DHX15: variants seen among roughly 807,000 people sequenced by gnomAD.
DHX15 encodes ATP-dependent RNA helicase DHX15.
In DHX15, 11 loss-of-function variants were observed where a neutral mutation model predicts 94.4. The observed-to-expected ratio is 0.12, with a 90% CI of 0.07 to 0.19. The LOEUF is 0.19. Among genes scored for constraint, DHX15 ranks in the 10% least tolerant of loss-of-function variants. DHX15 has a pLI of 1.00. For synonymous variants in DHX15, 338 were observed against 329.9 expected, an observed-to-expected ratio of 1.02 and a Z score of -0.27; for missense variants, 304 against 988.5, an observed-to-expected ratio of 0.31 and a Z score of 9.29.
At chr4:24,547,918 T>C (rs1212306420) in intron 6 of DHX15, among the ~76,000 whole-genome samples, 2 of 51,646 alleles carry the variant, frequency 3.9e-5, no homozygotes, top group African/African-American at 1.8e-4. Context: ...TATATATATA[T>C]ATATATATAT....
chr4:24,552,883 G>T (rs1183624504), intron 5 of DHX15, among the ~76,000 whole-genome samples: 1 of 152,202 alleles, frequency 6.6e-6, no homozygotes, highest in Non-Finnish European at 1.5e-5. Context: ...TTCCCCAGCT[G>T]TGGGATTCAC....
At chr4:24,531,586 T>A (rs1283012787) in intron 12 of DHX15, among the ~76,000 whole-genome samples, 2 of 151,908 alleles carry the variant, frequency 1.3e-5, no homozygotes, top group African/African-American at 2.4e-5. Flanking sequence ...GGCATAGTGG[T>A]GCGTGCCTGT....
rs1721222393 is a variant in DHX15 at position 24,537,604 on chromosome 4, G to C, written c.1787-431C>G. The stretch of plus-strand genomic sequence containing the variant: ...CTGTGAAAGTTAGGAAGCTATGCTT[G>C]CCCACTGCAGAGCTAACAACAACTT... On this transcript the variant is annotated intron_variant, in intron 10 of 13. Transcript: ENST00000336812. The surrounding 1 kb of genome is among the most constrained non-coding windows in gnomAD (Gnocchi z 4.7). 6.4e-6 allele frequency: 1 copy of C among 156,202 alleles called. No homozygotes were observed. Among genetic ancestry groups the C allele is most frequent in the Non-Finnish European group, 1.4e-5 (1 of 70,692 alleles). 9.7% of individuals were successfully genotyped at this position (156,202 alleles called of 1,614,324 possible). A position where few individuals can be genotyped will look rare whatever the true frequency, so the allele number is the denominator to read the frequency against.
intron 9 of DHX15, 27 bp downstream of exon 9, chr4:24,540,813 A>G: frequency 7.7e-7 from 1 of 1,299,424 alleles, no homozygotes; most frequent in Non-Finnish European, 1.1e-6. Flanking sequence ...AAAAGATCTG[A>G]TAAAAATGTG....
At chr4:24,556,494 CAT>C in intron 3 of DHX15, 84 bp from the exon 4 acceptor site, 1 of 1,126,860 alleles carries the variant, frequency 8.9e-7, no homozygotes, top group Non-Finnish European at 1.3e-6. Flanking sequence ...AATGCAAAGA[CAT>C]AAGGTAAATT....
intron 3 of DHX15, among the ~76,000 whole-genome samples, chr4:24,560,922 A>C (rs977119045): frequency 6.6e-6 from 1 of 152,240 alleles, no homozygotes; most frequent in Non-Finnish European, 1.5e-5. Flanking sequence ...AAAGATAAAA[A>C]GTTTTATAAT....
chr4:24,574,205 C>CAAAAAAAAAAAATA (rs1722189558), intron 2 of DHX15, among the ~76,000 whole-genome samples: 1 of 68,876 alleles, frequency 1.5e-5, no homozygotes, highest in African/African-American at 5.5e-5. Context: ...GACTTTGTCT[C>CAAAAAAAAAAAATA]AAAAAAAAAA....
chr4:24,555,757 T>C (rs1003824409), intron 4 of DHX15, among the ~76,000 whole-genome samples: 2 of 152,138 alleles, frequency 1.3e-5, no homozygotes, highest in Non-Finnish European at 2.9e-5. Context: ...ATCAATACAG[T>C]AACAGGGGCC....
chr4:24,581,699 T>A (rs1428662694), intron 1 of DHX15, among the ~76,000 whole-genome samples: 1 of 152,184 alleles, frequency 6.6e-6, no homozygotes, highest in East Asian at 1.9e-4. Flanking sequence ...AAAAAACTCT[T>A]ATCAGGTGGT....
At position 24,547,594 on chromosome 4, in the gene DHX15, G is replaced by T. The variant is rs1006679659; in HGVS notation, c.1248+1261C>A. The stretch of plus-strand genomic sequence containing the variant: ...TCACTCAATGGTAAACAAACACAAC[G>T]TTTTAAAAATAAAACAAATACAGAT... On this transcript the variant is annotated intron_variant, in intron 6 of 13. Coordinates refer to ENST00000336812, the MANE Select transcript of DHX15 (RefSeq NM_001358.3). 2.6e-5 allele frequency among the ~76,000 whole-genome samples: 4 copies of T among 151,826 alleles called. No individual in the cohort carries two copies. In the East Asian group the frequency reaches 7.7e-4, roughly 29 times the overall value.
At chr4:24,581,008 T>C (rs1011576683) in intron 1 of DHX15, 36 of 151,860 alleles carry the variant, frequency 2.4e-4, no homozygotes, top group Admixed American at 2.3e-3. Context: ...TGGAGTACTA[T>C]GGCAGTCAAT....
chr4:24,555,305 TG>T (rs1721704931), intron 4 of DHX15, among the ~76,000 whole-genome samples: 3 of 132,184 alleles, frequency 2.3e-5, no homozygotes, highest in African/African-American at 8.0e-5. Flanking sequence ...AAACAGAAAA[TG>T]CAAAAAAAAA....
chr4:24,546,079 A>G (rs1286953670), intron 6 of DHX15, among the ~76,000 whole-genome samples: 1 of 152,040 alleles, frequency 6.6e-6, no homozygotes, highest in Non-Finnish European at 1.5e-5. Context: ...CATTTGCCCT[A>G]CCTGAATACT....
chr4:24,574,587 A>G (rs1246720300), intron 2 of DHX15, among the ~76,000 whole-genome samples: 1 of 152,232 alleles, frequency 6.6e-6, no homozygotes, highest in Non-Finnish European at 1.5e-5. Flanking sequence ...ATAAAACTTT[A>G]GATATAAAGA....
intron 1 of DHX15, among the ~76,000 whole-genome samples, chr4:24,583,585 G>C (rs781653775): frequency 6.6e-6 from 1 of 152,098 alleles, no homozygotes; most frequent in Non-Finnish European, 1.5e-5. Context: ...GAGAGCGGAA[G>C]TTTGCTAGTA....
Position 24,583,883 on chromosome 4 carries a change from T to C in DHX15, c.71+440A>G, listed in dbSNP as rs1158977205. ...CCTGGCCGCGCCCCCACCCAGGCCC[T>C]CCCCACGGCCCCTCTGGCTGGGAAG... On this transcript the variant is annotated intron_variant, in intron 1 of 13. Transcript: ENST00000336812. Among the ~76,000 whole-genome samples, 3 of 151,820 alleles carry C rather than the reference T, an allele frequency of 2.0e-5. No homozygotes were observed. In the East Asian group the frequency reaches 5.9e-4, roughly 30 times the overall value.
intron 4 of DHX15, among the ~76,000 whole-genome samples, chr4:24,555,945 A>G (rs892996197): frequency 6.6e-6 from 1 of 152,206 alleles, no homozygotes; most frequent in Non-Finnish European, 1.5e-5. Flanking sequence ...CTTAAGTAAA[A>G]TAAGCCTCTG....
At chr4:24,571,556 G>A (rs539820722) in intron 2 of DHX15, among the ~76,000 whole-genome samples, 45 of 152,282 alleles carry the variant, frequency 3.0e-4, no homozygotes, top group African/African-American at 1.0e-3. Context: ...ATAAGCTAAT[G>A]GATTCCCCAA....
At chr4:24,558,077 G>A (rs549919794) in intron 3 of DHX15, among the ~76,000 whole-genome samples, 1 of 151,670 alleles carries the variant, frequency 6.6e-6, no homozygotes, top group Non-Finnish European at 1.5e-5. Flanking sequence ...TTGATACTCA[G>A]TGCTCATTTC....
Sources: gnomAD v4.1 joint callset for allele counts (sites outside exome capture counted in the v4.1 genomes callset) on GRCh38, gnomAD v4.1.1 for gene constraint, Gnocchi (gnomAD v3.1) non-coding constraint, MANE v1.5 for transcripts, NCBI Gene and HGNC (gene_info 2026-07-23, HGNC 2026-07-21) for gene names.